FOCAD: variants seen among roughly 807,000 people sequenced by gnomAD.
The protein encoded by FOCAD is focadhesin, also known as KIAA1797.
In FOCAD, 198 loss-of-function variants were observed where a neutral mutation model predicts 225.6. The ratio of observed to expected loss-of-function variants is 0.88; its 90% CI spans 0.78 to 0.99. The LOEUF is 0.99. Among genes scored for constraint, FOCAD ranks in the 50% least tolerant of loss-of-function variants. FOCAD has a pLI of 0.00. For synonymous variants in FOCAD, 897 were observed against 755.0 expected (o/e 1.19, Z -3.08); for missense variants, 2,713 against 2,123.6 (o/e 1.28, Z -5.46).
chr9:20,973,613 A>G (rs112080382), intron 35 of FOCAD, among the ~76,000 whole-genome samples: 1 of 77,892 alleles, frequency 1.3e-5, no homozygotes, highest in Non-Finnish European at 2.8e-5. Flanking sequence ...TTGCTTCCCC[A>G]TTTTAGCATC....
intron 11 of FOCAD, among the ~76,000 whole-genome samples, chr9:20,814,713 C>A (rs1190474209): frequency 6.6e-6 from 1 of 152,024 alleles, no homozygotes; most frequent in Admixed American, 6.6e-5. Flanking sequence ...TGCCATGGGA[C>A]TTACATCAAT....
At chr9:20,664,156 T>C (rs530605248) in intron 2 of FOCAD, among the ~76,000 whole-genome samples, 112 of 151,962 alleles carry the variant, frequency 7.4e-4, no homozygotes, top group African/African-American at 2.6e-3. Flanking sequence ...AAAAGTTCTA[T>C]ATTTAAATAA....
chr9:20,917,259 T>TA (rs79941557), intron 24 of FOCAD, among the ~76,000 whole-genome samples: 27 of 145,488 alleles, frequency 1.9e-4, no homozygotes, highest in African/African-American at 2.5e-4. Context: ...TCGAGGGGAT[T>TA]AAAAAAAAAA....
intron 11 of FOCAD, among the ~76,000 whole-genome samples, chr9:20,795,072 C>G (rs1263949956): frequency 2.6e-5 from 4 of 151,992 alleles, no homozygotes; most frequent in Non-Finnish European, 5.9e-5. Flanking sequence ...CTCCCTGGAC[C>G]TAAAATCCTA....
intron 18 of FOCAD, among the ~76,000 whole-genome samples, chr9:20,872,260 A>G (rs1829846538): frequency 6.6e-6 from 1 of 152,302 alleles, no homozygotes; most frequent in Admixed American, 6.5e-5. Flanking sequence ...TTTATCCGCA[A>G]TCTTTCTTTA....
intron 28 of FOCAD, among the ~76,000 whole-genome samples, chr9:20,943,219 A>G (rs35379293): frequency 0.26 from 40,220 of 152,146 alleles, 5,619 homozygotes; most frequent in South Asian, 0.35. Context: ...CTGGTTGAAA[A>G]TGCATTGAGC....
intron 11 of FOCAD, among the ~76,000 whole-genome samples, chr9:20,806,073 A>AT (rs113161878): frequency 1.3e-5 from 2 of 152,322 alleles, no homozygotes; most frequent in African/African-American, 4.8e-5. Context: ...GACATTTAGC[A>AT]TTTACAAGCA....
intron 3 of FOCAD, among the ~76,000 whole-genome samples, chr9:20,719,497 ATTTG>A (rs890793259): frequency 6.6e-6 from 1 of 151,626 alleles, no homozygotes; most frequent in Non-Finnish European, 1.5e-5. Flanking sequence ...TTGCTTCATT[ATTTG>A]TTCTTTTTTT....
chr9:20,947,484 G>A (rs79307996), intron 30 of FOCAD, among the ~76,000 whole-genome samples: 2 of 152,190 alleles, frequency 1.3e-5, no homozygotes, highest in African/African-American at 2.4e-5. Flanking sequence ...GTGGTTGCTC[G>A]GGCCTACAGG....
chr9:20,949,467 C>T (rs2132360909), intron 32 of FOCAD, 137 bp from the exon 33 acceptor site: 1 of 658,762 alleles, frequency 1.5e-6, no homozygotes, highest in African/African-American at 1.9e-5. Flanking sequence ...GAGTTCATAG[C>T]TTATGTATTT....
At chr9:20,773,035 G>A (rs1262975584) in intron 8 of FOCAD, among the ~76,000 whole-genome samples, 1 of 151,844 alleles carries the variant, frequency 6.6e-6, no homozygotes, top group African/African-American at 2.4e-5. Context: ...TTATAGATCA[G>A]TATTATGTAG....
intron 21 of FOCAD, 50 bp downstream of exon 21, chr9:20,885,280 G>C (rs766734520): frequency 1.4e-5 from 19 of 1,355,564 alleles, no homozygotes; most frequent in Non-Finnish European, 1.7e-5. Flanking sequence ...CTCCCTTCAT[G>C]ATATGTTTAA....
chr9:20,671,772 T>C (rs1372561256), intron 2 of FOCAD, among the ~76,000 whole-genome samples: 2 of 152,160 alleles, frequency 1.3e-5, no homozygotes, highest in African/African-American at 4.8e-5. Flanking sequence ...TTTGAAGATG[T>C]GATGTGCCGA....
chr9:20,831,070 T>G (rs1825442364), intron 15 of FOCAD, among the ~76,000 whole-genome samples: 1 of 152,134 alleles, frequency 6.6e-6, no homozygotes, highest in African/African-American at 2.4e-5. Flanking sequence ...ATTCTGTGTT[T>G]TTTTTATGGA....
At chr9:20,851,840 C>G (rs1587400208) in intron 15 of FOCAD, among the ~76,000 whole-genome samples, 1 of 151,958 alleles carries the variant, frequency 6.6e-6, no homozygotes, top group East Asian at 1.9e-4. Flanking sequence ...AGCCCACTAC[C>G]TTTTTTTGTA....
intron 11 of FOCAD, among the ~76,000 whole-genome samples, chr9:20,815,573 G>A (rs1654090615): frequency 6.8e-6 from 1 of 146,674 alleles, no homozygotes; most frequent in African/African-American, 2.5e-5. Flanking sequence ...CCTTCTTGCT[G>A]GCAAGATTTC....
At chr9:20,719,957 ATCT>A (rs1403904503) in intron 3 of FOCAD, among the ~76,000 whole-genome samples, 1 of 152,072 alleles carries the variant, frequency 6.6e-6, no homozygotes, top group African/African-American at 2.4e-5. Context: ...GAGAAGGAAC[ATCT>A]TCTGAAAATA....
intron 26 of FOCAD, among the ~76,000 whole-genome samples, chr9:20,926,885 A>G (rs530483327): frequency 6.6e-6 from 1 of 151,340 alleles, no homozygotes; most frequent in East Asian, 1.9e-4. Flanking sequence ...AACTTTAAAT[A>G]CACACACACA....
chr9:20,662,335 G>A (rs891746404), intron 2 of FOCAD, among the ~76,000 whole-genome samples: 1 of 152,182 alleles, frequency 6.6e-6, no homozygotes, highest in Admixed American at 6.5e-5. Flanking sequence ...GCCTCCAGCT[G>A]TCAGCTCCTT....
Sources: allele counts gnomAD v4.1 joint callset (sites outside exome capture counted in the v4.1 genomes callset), GRCh38; gene constraint gnomAD v4.1.1; transcripts MANE v1.5; gene names NCBI Gene and HGNC (gene_info 2026-07-23, HGNC 2026-07-21).